RNF38: variants seen among roughly 807,000 people sequenced by gnomAD.
RNF38 encodes ring finger protein 38.
Under a neutral mutation model 67.2 loss-of-function variants are expected in RNF38, and 15 were observed. The observed-to-expected ratio is 0.22, with a 90% CI of 0.15 to 0.34. The LOEUF (loss-of-function observed/expected upper bound fraction) is 0.34. Among genes scored for constraint, RNF38 ranks in the 10% least tolerant of loss-of-function variants. RNF38 has a pLI of 1.00. For synonymous variants in RNF38, 220 were observed against 218.8 expected, an observed-to-expected ratio of 1.01 and a Z score of -0.05; for missense variants, 524 against 639.9, an observed-to-expected ratio of 0.82 and a Z score of 1.95.
chr9:36,357,738 A>G (rs1167432778), intron 5 of RNF38, 37 bp downstream of exon 5: 2 of 1,580,108 alleles, frequency 1.3e-6, no homozygotes, highest in African/African-American at 1.3e-5. Context: ...GGTGTGCTTA[A>G]TAGTAATATC....
chr9:36,398,105 G>A (rs926573116), intron 1 of RNF38, among the ~76,000 whole-genome samples: 1 of 152,170 alleles, frequency 6.6e-6, no homozygotes, highest in Admixed American at 6.5e-5. Context: ...ATTATTGCTT[G>A]CCTGCCATAT....
At chr9:36,371,468 G>A (rs1157965774) in intron 3 of RNF38, among the ~76,000 whole-genome samples, 1 of 144,770 alleles carries the variant, frequency 6.9e-6, no homozygotes, top group African/African-American at 2.6e-5. Flanking sequence ...TTTTGAGACG[G>A]TGTTTCACTC....
At chr9:36,385,522 G>A (rs889847234) in intron 2 of RNF38, among the ~76,000 whole-genome samples, 1 of 152,112 alleles carries the variant, frequency 6.6e-6, no homozygotes, top group African/African-American at 2.4e-5. Flanking sequence ...GGGATTACAG[G>A]CATGTGCCAC....
At chr9:36,461,540 T>C (rs1393216336) in intron 1 of RNF38, among the ~76,000 whole-genome samples, 1 of 152,164 alleles carries the variant, frequency 6.6e-6, no homozygotes, top group Non-Finnish European at 1.5e-5. Flanking sequence ...ATGTGACCCA[T>C]TCTTTCAAAA....
intron 1 of RNF38, among the ~76,000 whole-genome samples, chr9:36,473,485 G>A (rs1365513716): frequency 6.6e-6 from 1 of 152,184 alleles, no homozygotes; most frequent in African/African-American, 2.4e-5. Context: ...CTACTTGGGA[G>A]GCTGAGGCAG....
chr9:36,400,990 G>A (rs994060525), upstream of RNF38: 14 of 982,828 alleles, frequency 1.4e-5, no homozygotes, highest in African/African-American at 7.1e-5. Flanking sequence ...ACTGGCCTCC[G>A]CTGCGCGCGC....
chr9:36,364,346 C>G (rs1834789037), intron 4 of RNF38, among the ~76,000 whole-genome samples: 1 of 152,114 alleles, frequency 6.6e-6, no homozygotes, highest in Admixed American at 6.5e-5. Flanking sequence ...TATGTATTAA[C>G]TATGTTATTG....
intron 4 of RNF38, among the ~76,000 whole-genome samples, chr9:36,365,190 T>C (rs1239377407): frequency 2.0e-5 from 3 of 151,630 alleles, no homozygotes; most frequent in African/African-American, 7.3e-5. Flanking sequence ...TTTGGGATTA[T>C]ACTAATTCTA....
Position 36,487,247 on chromosome 9 carries a change from G to GC in RNF38, n.241+60dup, listed in dbSNP as rs1268772002. 15 of 956,614 alleles carry GC rather than the reference G, an allele frequency of 1.6e-5. No homozygotes were observed. The South Asian group carries it at 4.3e-4, about 28-fold the overall frequency. The allele number at this position is 956,614 out of a possible 1,614,324, so 59.3% of individuals were successfully genotyped here. A position where few individuals can be genotyped will look rare whatever the true frequency, so the allele number is the denominator to read the frequency against. On this transcript the variant is annotated intron_variant and non_coding_transcript_variant, in intron 1 of 3. Coordinates refer to the RNF38 transcript ENST00000488058. ...CGGGCGCCTGGACCACACGCCTCCG[G>GC]CCCCCACCCGCGGGACCGACCCACG... is the stretch of plus-strand genomic sequence containing the variant.
intron 1 of RNF38, among the ~76,000 whole-genome samples, chr9:36,447,123 T>C (rs1839326015): frequency 7.5e-6 from 1 of 134,070 alleles, no homozygotes; most frequent in African/African-American, 2.9e-5. Flanking sequence ...CAAGACTGTC[T>C]CCAAAAAAAA....
At chr9:36,418,403 G>A (rs185852527) in intron 2 of RNF38, among the ~76,000 whole-genome samples, 22 of 149,574 alleles carry the variant, frequency 1.5e-4, no homozygotes, top group Admixed American at 2.7e-4. Context: ...CTGTAATCCC[G>A]GCACTTTGGA....
chr9:36,365,098 G>A (rs917360147), intron 4 of RNF38, among the ~76,000 whole-genome samples: 1 of 152,106 alleles, frequency 6.6e-6, no homozygotes, highest in Non-Finnish European at 1.5e-5. Context: ...TATGGCTGTA[G>A]ACAATTTCAG....
Position 36,393,530 on chromosome 9 carries a change from G to A in RNF38, c.13-2914C>T, listed in dbSNP as rs562269191. On this transcript the variant is annotated intron_variant, in intron 1 of 11. Coordinates refer to ENST00000259605, the MANE Select transcript of RNF38 (RefSeq NM_022781.5). Reference sequence around the variant, plus strand: ...GTGTGTGTGTGTGTGTGTGGGGCAGGCAGTCCCATACATAGGTTGCCCAAG... The same window carrying A: ...GTGTGTGTGTGTGTGTGTGGGGCAGACAGTCCCATACATAGGTTGCCCAAG... Among the ~76,000 whole-genome samples the A allele has an allele frequency of 3.3e-5, 4 of 119,784 alleles. No homozygotes were observed. In the East Asian group the frequency reaches 1.1e-3, roughly 34 times the overall value. 78.6% of individuals were successfully genotyped at this position (119,784 alleles called of 152,430 possible).
At chr9:36,345,102 G>A (rs183044641) in intron 9 of RNF38, 149 bp from the exon 10 acceptor site, 53 of 699,494 alleles carry the variant, frequency 7.6e-5, no homozygotes, top group Non-Finnish European at 7.8e-5. Context: ...CTGTGGCCTC[G>A]AACTCCTGAC....
At chr9:36,405,607 G>A (rs1838158821), upstream of RNF38, among the ~76,000 whole-genome samples, 1 of 152,164 alleles carries the variant, frequency 6.6e-6, no homozygotes, top group Non-Finnish European at 1.5e-5. Flanking sequence ...CTTTAAGACT[G>A]GTGTTAACGC....
chr9:36,456,787 G>A (rs1455783414), intron 1 of RNF38, among the ~76,000 whole-genome samples: 1 of 152,266 alleles, frequency 6.6e-6, no homozygotes. Flanking sequence ...CAAGCATGAA[G>A]ACCAACAGAT....
upstream of RNF38, among the ~76,000 whole-genome samples, chr9:36,406,052 A>G (rs991446171): frequency 3.3e-5 from 5 of 152,248 alleles, no homozygotes; most frequent in African/African-American, 9.6e-5. Context: ...CACTTGTATC[A>G]TAACACCTTA....
intron 2 of RNF38, among the ~76,000 whole-genome samples, chr9:36,415,226 C>A (rs1358277244): frequency 1.3e-5 from 2 of 152,084 alleles, no homozygotes; most frequent in African/African-American, 2.4e-5. Flanking sequence ...TTATTGGAGG[C>A]TTTATTCAGT....
At position 36,392,690 on chromosome 9, in the gene RNF38, A is replaced by C. The variant is rs117892216; in HGVS notation, c.13-2074T>G. On this transcript the variant is annotated intron_variant, in intron 1 of 11. Coordinates refer to ENST00000259605, the MANE Select transcript of RNF38 (RefSeq NM_022781.5). ...TAAGGCAGGAGCTTCACTCGAGCCC[A>C]GTAGTTTGAGGTTACAGTGAGCTAT... is the stretch of plus-strand genomic sequence containing the variant. Among the ~76,000 whole-genome samples, 203 of 152,346 alleles carry C rather than the reference A, an allele frequency of 1.3e-3. 3 individuals are homozygous for C. The East Asian group carries it at 0.031, about 23-fold the overall frequency.
Sources: gnomAD v4.1 joint callset for allele counts (sites outside exome capture counted in the v4.1 genomes callset) on GRCh38, gnomAD v4.1.1 for gene constraint, MANE v1.5 for transcripts, NCBI Gene and HGNC (gene_info 2026-07-23, HGNC 2026-07-21) for gene names.